The following RGS10 variants were observed in gnomAD, a reference collection of about 807,000 sequenced individuals.
RGS10 encodes regulator of G protein signaling 10.
In RGS10, 11 loss-of-function variants were observed where a neutral mutation model predicts 23.5. That is an observed-to-expected ratio of 0.47 (90% CI 0.29 to 0.77). The LOEUF (loss-of-function observed/expected upper bound fraction) is 0.77, where lower values mean the gene tolerates loss of function less well. RGS10 is among the 30% of genes least tolerant of loss of function. RGS10 has a pLI of 0.08. For missense variants in RGS10, 180 were observed against 226.3 expected, an observed-to-expected ratio of 0.80 and a Z score of 1.31; for synonymous variants, 77 against 83.2, an observed-to-expected ratio of 0.92 and a Z score of 0.41.
At chr10:119,542,555 C>T in intron 1 of RGS10, 35 bp downstream of exon 1, 2 of 1,375,662 alleles carry the variant, frequency 1.5e-6, no homozygotes, top group Non-Finnish European at 1.9e-6. Flanking sequence ...AACGGCGCCC[C>T]GACCCCGAGC....
intron 1 of RGS10, among the ~76,000 whole-genome samples, chr10:119,536,861 T>C (rs551377535): frequency 1.3e-5 from 2 of 152,248 alleles, no homozygotes; most frequent in South Asian, 2.1e-4. Context: ...CTCACCCTCC[T>C]ACTCTGCCTC....
intron 2 of RGS10, among the ~76,000 whole-genome samples, chr10:119,526,449 G>T (rs766301412): frequency 1.1e-4 from 16 of 152,192 alleles, no homozygotes; most frequent in Non-Finnish European, 1.6e-4. Context: ...TTTAAACAAA[G>T]TACATTCCTC....
chr10:119,509,100 A>T (rs998924399), intron 4 of RGS10, among the ~76,000 whole-genome samples: 2 of 151,498 alleles, frequency 1.3e-5, no homozygotes, highest in African/African-American at 4.9e-5. Flanking sequence ...GACCCAGTAT[A>T]AAAAAAATTA....
rs749705645 is a variant in RGS10, at chr10:119,517,454, G to C, written c.256-1802C>G. The stretch of plus-strand genomic sequence containing the variant: ...CCAAGGGGGTGGCACTTAGGAGCTG[G>C]CCCTGCTGTCCTCTCCAAGACCCAC... On this transcript the variant is annotated intron_variant, in intron 3 of 4. Transcript: ENST00000369103. This position sits in a 1 kb window ranked among gnomAD's most constrained non-coding sequence, Gnocchi z 5.0. Among the ~76,000 whole-genome samples the C allele has an allele frequency of 6.6e-6, 1 of 152,172 alleles. No homozygotes were observed. Among genetic ancestry groups the C allele is most frequent in the African/African-American group, 2.4e-5 (1 of 41,438 alleles).
intron 3 of RGS10, among the ~76,000 whole-genome samples, chr10:119,523,571 A>G (rs1844241893): frequency 6.6e-6 from 1 of 152,194 alleles, no homozygotes; most frequent in South Asian, 2.1e-4. Context: ...AGGCTGAGGC[A>G]GGAGGATCAC....
chr10:119,538,799 C>T lies in RGS10; in HGVS notation c.49+3791G>A, dbSNP rs1401213152. ...GGGCCCCCTCCGCTCCTGCTGCCAC[C>T]CGCAGGCTGCTGCAGCAAAGAACTA... On this transcript the variant is annotated intron_variant, in intron 1 of 4. Coordinates refer to ENST00000369103, the MANE Select transcript of RGS10 (RefSeq NM_001005339.2). The surrounding 1 kb of genome is among the most constrained non-coding windows in gnomAD (Gnocchi z 4.5). Among the ~76,000 whole-genome samples, 1 of 152,136 alleles carries T rather than the reference C, an allele frequency of 6.6e-6. No individual in the cohort carries two copies. The highest frequency in any genetic ancestry group is 1.5e-5 in the Non-Finnish European group (1 of 68,006).
chr10:119,540,244 T>A (rs866690175), intron 1 of RGS10, among the ~76,000 whole-genome samples: 17 of 152,074 alleles, frequency 1.1e-4, no homozygotes, highest in African/African-American at 3.4e-4. Context: ...TTTTCTTCCT[T>A]CCTCCCTTCC....
rs1022709388 is a variant in RGS10 at position 119,524,179 on chromosome 10, C to A, written c.255+1853G>T. Among the ~76,000 whole-genome samples the A allele has an allele frequency of 6.6e-6, 1 of 152,216 alleles. No individual in the cohort carries two copies. The highest frequency in any genetic ancestry group is 2.4e-5 in the African/African-American group (1 of 41,464). On this transcript the variant is annotated intron_variant, in intron 3 of 4. Transcript: ENST00000369103. The surrounding 1 kb of genome is among the most constrained non-coding windows in gnomAD (Gnocchi z 5.2). ...GCACAGGCTTGCTCCCCTTGAGGTG[C>A]CCGTTCCCTGGAGCCGCTCACCTGT...
intron 2 of RGS10, among the ~76,000 whole-genome samples, chr10:119,526,927 C>G (rs1564714463): frequency 6.6e-6 from 1 of 152,118 alleles, no homozygotes; most frequent in Non-Finnish European, 1.5e-5. Flanking sequence ...GCCTCTCTTA[C>G]TCTGTCAACA....
rs144837506 is a variant in RGS10, at chr10:119,538,599, T to A, written c.49+3991A>T. ...GGGAAGGACTCAGTCAGATAAGGGG[T>A]CCCCCACCAGGCAGTGGGGCAGCAA... On this transcript the variant is annotated intron_variant, in intron 1 of 4. Transcript: ENST00000369103. This position sits in a 1 kb window ranked among gnomAD's most constrained non-coding sequence, Gnocchi z 4.5. 6.6e-6 allele frequency among the ~76,000 whole-genome samples: 1 copy of A among 151,638 alleles called. No individual in the cohort carries two copies. Among genetic ancestry groups the A allele is most frequent in the Non-Finnish European group, 1.5e-5 (1 of 67,852 alleles).
chr10:119,514,644 T>G (rs1844120051), intron 4 of RGS10, among the ~76,000 whole-genome samples: 1 of 121,952 alleles, frequency 8.2e-6, no homozygotes, highest in African/African-American at 3.2e-5. Context: ...GGAGACAGAG[T>G]AAGACTCGGT....
chr10:119,526,169 A>T (rs759944043), intron 2 of RGS10, 51 bp from the exon 3 acceptor site: 1 of 979,434 alleles, frequency 1.0e-6, no homozygotes, highest in South Asian at 1.8e-5. Context: ...TAAAAAAAAA[A>T]TAAAACAAAT....
Position 119,500,025 on chromosome 10 carries a change from C to CA in RGS10, c.*87dup. ...AGGGTTTTGTACATTTCAGTCCTTA[C>CA]AAATAACAAAGCAATGATAAACCCG... is the stretch of plus-strand genomic sequence containing the variant. On this transcript the variant is annotated 3_prime_UTR_variant, in exon 5 of 5. Coordinates refer to ENST00000369103, the MANE Select transcript of RGS10 (RefSeq NM_001005339.2). 1 of 1,408,816 alleles carries CA rather than the reference C, an allele frequency of 7.1e-7. No individual in the cohort carries two copies. The highest frequency in any genetic ancestry group is 9.7e-7 in the Non-Finnish European group (1 of 1,033,826). 87.3% of individuals were successfully genotyped at this position (1,408,816 alleles called of 1,614,324 possible).
chr10:119,502,233 C>T (rs1317929546), intron 4 of RGS10, among the ~76,000 whole-genome samples: 1 of 152,138 alleles, frequency 6.6e-6, no homozygotes, highest in Non-Finnish European at 1.5e-5. Flanking sequence ...CATGGCCTCC[C>T]ACCGACGTGC....
At chr10:119,531,864 T>G (rs192886478) in intron 1 of RGS10, among the ~76,000 whole-genome samples, 6 of 152,310 alleles carry the variant, frequency 3.9e-5, no homozygotes, top group African/African-American at 1.4e-4. Context: ...AAGATCTCCC[T>G]TATATCATAT....
intron 1 of RGS10, among the ~76,000 whole-genome samples, chr10:119,533,564 C>A (rs1844354545): frequency 1.3e-5 from 2 of 152,276 alleles, no homozygotes; most frequent in African/African-American, 4.8e-5. Flanking sequence ...ACTTCTGGTA[C>A]CTGGATCCAC....
chr10:119,532,837 T>G (rs1326008518), intron 1 of RGS10, among the ~76,000 whole-genome samples: 5 of 151,500 alleles, frequency 3.3e-5, no homozygotes, highest in African/African-American at 1.2e-4. Context: ...CAAGACTCTG[T>G]CTCAAACAAA....
In RGS10 at chr10:119,527,560, G is replaced by T; in HGVS notation, c.50-136C>A. 2.9e-6 allele frequency: 2 copies of T among 684,530 alleles called. No homozygotes were observed. The highest frequency in any genetic ancestry group is 5.2e-6 in the Non-Finnish European group (2 of 384,260). 42.4% of individuals were successfully genotyped at this position (684,530 alleles called of 1,614,324 possible). A position where few individuals can be genotyped will look rare whatever the true frequency, so the allele number is the denominator to read the frequency against. On this transcript the variant is annotated intron_variant, in intron 1 of 4. Transcript: ENST00000369103. The surrounding 1 kb of genome is among the most constrained non-coding windows in gnomAD (Gnocchi z 4.2). ...TTATGCGTCAGGCTCTGTTCTAGGT[G>T]CTTAACATGATGGACTCATTCTTGT... is the stretch of plus-strand genomic sequence containing the variant.
At chr10:119,512,610 C>G (rs1463377010) in intron 4 of RGS10, among the ~76,000 whole-genome samples, 2 of 152,070 alleles carry the variant, frequency 1.3e-5, no homozygotes, top group Non-Finnish European at 2.9e-5. Context: ...TGCAGTGGCA[C>G]TATCTCGGCT....
Sources: gnomAD v4.1 joint callset for allele counts (sites outside exome capture counted in the v4.1 genomes callset) on GRCh38, gnomAD v4.1.1 for gene constraint, Gnocchi (gnomAD v3.1) non-coding constraint, MANE v1.5 for transcripts, NCBI Gene and HGNC (gene_info 2026-07-23, HGNC 2026-07-21) for gene names.